The following AGTPBP1 variants were observed in gnomAD, a reference collection of about 807,000 sequenced individuals.
The protein encoded by AGTPBP1 is cytosolic carboxypeptidase 1.
In AGTPBP1, 70 loss-of-function variants were observed where a neutral mutation model predicts 143.9. That is an observed-to-expected ratio of 0.49 (90% CI 0.40 to 0.59). The LOEUF (loss-of-function observed/expected upper bound fraction) is 0.59, where lower values mean the gene tolerates loss of function less well. AGTPBP1 is among the 20% of genes least tolerant of loss of function. The pLI, the probability that AGTPBP1 is intolerant of heterozygous loss-of-function variation, is 0.00. For synonymous variants in AGTPBP1, 463 were observed against 500.2 expected, an observed-to-expected ratio of 0.93 and a Z score of 0.99; for missense variants, 1,229 against 1,464.5, an observed-to-expected ratio of 0.84 and a Z score of 2.62.
chr9:85,687,736 G>C (rs1835569980), intron 3 of AGTPBP1, among the ~76,000 whole-genome samples: 1 of 152,092 alleles, frequency 6.6e-6, no homozygotes, highest in African/African-American at 2.4e-5. Flanking sequence ...AAAAATCTAT[G>C]GCTTTGAATG....
intron 8 of AGTPBP1, among the ~76,000 whole-genome samples, chr9:85,668,290 C>T (rs1380947449): frequency 1.3e-5 from 2 of 151,622 alleles, no homozygotes; most frequent in African/African-American, 4.8e-5. Flanking sequence ...TAAAAAGGGG[C>T]TATTTTGAGA....
chr9:85,661,255 T>C (rs368555828), intron 8 of AGTPBP1, among the ~76,000 whole-genome samples: 9 of 152,086 alleles, frequency 5.9e-5, no homozygotes, highest in African/African-American at 2.2e-4. Context: ...TGTCAGAAGT[T>C]AGATGAACGG....
intron 13 of AGTPBP1, among the ~76,000 whole-genome samples, chr9:85,636,499 C>A (rs747820300): frequency 1.3e-5 from 2 of 151,926 alleles, no homozygotes; most frequent in African/African-American, 4.8e-5. Flanking sequence ...ACTTTGTGAT[C>A]CCCCCTCTTG....
chr9:85,596,097 AAAGCTGAGG>A (rs1829284838), intron 18 of AGTPBP1, among the ~76,000 whole-genome samples: 1 of 152,214 alleles, frequency 6.6e-6, no homozygotes, highest in Admixed American at 6.5e-5. Flanking sequence ...TAAAGCTGGA[AAAGCTGAGG>A]ACACATAACT....
the AGTPBP1 span, among the ~76,000 whole-genome samples, chr9:85,748,593 T>G: frequency 2.6e-5 from 4 of 152,186 alleles, no homozygotes; most frequent in Non-Finnish European, 5.9e-5. Context: ...AAAATGTAGT[T>G]CTCCAATGTG....
intron 14 of AGTPBP1, among the ~76,000 whole-genome samples, chr9:85,623,170 G>A (rs564214416): frequency 9.6e-4 from 146 of 152,200 alleles, no homozygotes; most frequent in African/African-American, 3.3e-3. Flanking sequence ...CGAGCTGACT[G>A]CTGCTAGGCA....
chr9:85,732,690 G>A lies in AGTPBP1; in HGVS notation c.-34+9085C>T, dbSNP rs550280126. Among the ~76,000 whole-genome samples the A allele has an allele frequency of 1.5e-4, 23 of 152,230 alleles. 1 individual carries two copies. The South Asian group carries it at 4.8e-3, about 32-fold the overall frequency. On this transcript the variant is annotated intron_variant, in intron 1 of 25. Coordinates refer to ENST00000357081, the MANE Select transcript of AGTPBP1 (RefSeq NM_001330701.2). ...GCCAATCAAAACACAAAGACTGGCA[G>A]AATAGATTTTTTTAAATGATCCAAC...
At chr9:85,707,935 G>GAT (rs1199049832) in intron 2 of AGTPBP1, among the ~76,000 whole-genome samples, 1 of 151,986 alleles carries the variant, frequency 6.6e-6, no homozygotes, top group Non-Finnish European at 1.5e-5. Flanking sequence ...CTAGGGGAGG[G>GAT]ATAGCATTAG....
At chr9:85,563,263 T>C (rs1587632153) in intron 25 of AGTPBP1, among the ~76,000 whole-genome samples, 1 of 151,318 alleles carries the variant, frequency 6.6e-6, no homozygotes, top group South Asian at 2.1e-4. Flanking sequence ...GCTGTAAGAG[T>C]ATGGAGGTGC....
chr9:85,692,598 T>C (rs1835952331), intron 3 of AGTPBP1, 91 bp downstream of exon 3: 1 of 1,488,080 alleles, frequency 6.7e-7, no homozygotes, highest in African/African-American at 1.4e-5. Flanking sequence ...TTGTGGAAAA[T>C]CATCCATTAT....
chr9:85,772,077 G>A, the AGTPBP1 span, among the ~76,000 whole-genome samples: 1 of 151,226 alleles, frequency 6.6e-6, no homozygotes, highest in East Asian at 2.0e-4. Context: ...CTGGGTTCAA[G>A]CAATTCTCCT....
At chr9:85,618,614 T>G (rs527514605) in intron 17 of AGTPBP1, among the ~76,000 whole-genome samples, 191 of 152,094 alleles carry the variant, frequency 1.3e-3, no homozygotes, top group Non-Finnish European at 2.2e-3. Context: ...GTGGGGTTTA[T>G]TCCAAATGAA....
chr9:85,631,362 C>A (rs1284691577), intron 14 of AGTPBP1, among the ~76,000 whole-genome samples: 1 of 152,256 alleles, frequency 6.6e-6, no homozygotes, highest in Non-Finnish European at 1.5e-5. Flanking sequence ...ACTGTATGCA[C>A]TGCATGCTGC....
At chr9:85,719,703 T>C (rs1356058554) in intron 1 of AGTPBP1, among the ~76,000 whole-genome samples, 2 of 152,222 alleles carry the variant, frequency 1.3e-5, no homozygotes, top group Non-Finnish European at 2.9e-5. Context: ...CTATGTTGAA[T>C]AGGAGTGGTG....
At chr9:85,640,300 T>C (rs1207445251) in intron 13 of AGTPBP1, among the ~76,000 whole-genome samples, 1 of 152,164 alleles carries the variant, frequency 6.6e-6, no homozygotes, top group Non-Finnish European at 1.5e-5. Flanking sequence ...AACTTAAAAA[T>C]GACAAAGATA....
the AGTPBP1 span, chr9:85,753,244 A>T: frequency 6.3e-7 from 1 of 1,579,274 alleles, no homozygotes; most frequent in Non-Finnish European, 8.6e-7. Flanking sequence ...AAAAATTGTC[A>T]TCAGTGTACT....
At chr9:85,718,268 C>A (rs1377038262) in intron 1 of AGTPBP1, among the ~76,000 whole-genome samples, 1 of 152,166 alleles carries the variant, frequency 6.6e-6, no homozygotes, top group East Asian at 1.9e-4. Flanking sequence ...AATGGTTGAA[C>A]TAATTTACAC....
At chr9:85,588,536 T>C (rs1806075730) in intron 20 of AGTPBP1, 58 bp from the exon 21 acceptor site, 6 of 1,547,678 alleles carry the variant, frequency 3.9e-6, no homozygotes, top group Non-Finnish European at 5.2e-6. Flanking sequence ...TTTGTATATT[T>C]TACTTTGGGG....
the AGTPBP1 span, among the ~76,000 whole-genome samples, chr9:85,762,765 T>TTA: frequency 0.011 from 1,655 of 146,528 alleles, 20 homozygotes; most frequent in African/African-American, 0.031. Flanking sequence ...GAACTTAAAG[T>TTA]TATATATATA....
Sources: allele counts gnomAD v4.1 joint callset (sites outside exome capture counted in the v4.1 genomes callset), GRCh38; gene constraint gnomAD v4.1.1; transcripts MANE v1.5; gene names NCBI Gene and HGNC (gene_info 2026-07-23, HGNC 2026-07-21).